PSMG2: variants seen among roughly 807,000 people sequenced by gnomAD.
The protein encoded by PSMG2 is proteasome assembly chaperone 2.
A neutral mutation model predicts 31.5 loss-of-function variants in PSMG2; 21 were observed. The ratio of observed to expected loss-of-function variants is 0.67; its 90% CI spans 0.47 to 0.96. The LOEUF is 0.96. Ranked by LOEUF, PSMG2 falls within the 40% of genes least tolerant of loss-of-function variation. The pLI is 0.00. For synonymous variants in PSMG2, 120 were observed against 110.4 expected, an observed-to-expected ratio of 1.09 and a Z score of -0.54; for missense variants, 318 against 321.2, an observed-to-expected ratio of 0.99 and a Z score of 0.08.
At position 12,704,449 on chromosome 18, in the gene PSMG2, G is replaced by T. The variant is rs1029861881; in HGVS notation, c.57+1285G>T. On this transcript the variant is annotated intron_variant, in intron 1 of 6. Coordinates refer to ENST00000317615, the MANE Select transcript of PSMG2 (RefSeq NM_020232.5). ...AAAAAAATAAATAAAAATTAGCCAG[G>T]TGTGGTTTCCTGCACCTGTATCTCA... is the stretch of plus-strand genomic sequence containing the variant. 2.0e-5 allele frequency among the ~76,000 whole-genome samples: 3 copies of T among 151,994 alleles called. No homozygotes were observed. In the East Asian group the frequency reaches 5.8e-4, roughly 29 times the overall value.
At chr18:12,704,166 A>G (rs2040235483) in intron 1 of PSMG2, among the ~76,000 whole-genome samples, 1 of 152,240 alleles carries the variant, frequency 6.6e-6, no homozygotes. Flanking sequence ...ATTTAGCGAC[A>G]TGTTAATGAT....
At chr18:12,663,161 A>G (rs901528845) in intron 1 of PSMG2, among the ~76,000 whole-genome samples, 10 of 152,220 alleles carry the variant, frequency 6.6e-5, no homozygotes, top group Admixed American at 3.9e-4. Context: ...CTATAACACA[A>G]ACTTTCCAAA....
At chr18:12,705,570 A>AGTGTGTGTGTGT (rs1361528977) in intron 1 of PSMG2, among the ~76,000 whole-genome samples, 1,496 of 126,032 alleles carry the variant, frequency 0.012, 10 homozygotes, top group African/African-American at 0.017. Flanking sequence ...AGAGAGAGAG[A>AGTGTGTGTGTGT]GAGAGAGTGT....
chr18:12,695,228 A>G, intron 1 of PSMG2: 1 of 1,074,894 alleles, frequency 9.3e-7, no homozygotes, highest in Non-Finnish European at 1.3e-6. Flanking sequence ...AAACACACAA[A>G]AAAAGAGAAA....
intron 1 of PSMG2, chr18:12,674,823 GTTGA>G (rs2039064924): frequency 2.1e-6 from 2 of 963,154 alleles, no homozygotes; most frequent in Non-Finnish European, 1.5e-6. Flanking sequence ...AAATAAAAAT[GTTGA>G]TTATTTTAAT....
intron 4 of PSMG2, among the ~76,000 whole-genome samples, chr18:12,719,201 C>T (rs1057150377): frequency 7.2e-5 from 11 of 151,774 alleles, no homozygotes; most frequent in East Asian, 2.0e-4. Context: ...GTGAGCCCCC[C>T]GCACCTGGCC....
intron 5 of PSMG2, among the ~76,000 whole-genome samples, chr18:12,721,920 CGT>C (rs1288483738): frequency 6.6e-6 from 1 of 152,032 alleles, no homozygotes; most frequent in Admixed American, 6.6e-5. Context: ...TTTGACATGT[CGT>C]GTTTTCATTT....
In PSMG2 at chr18:12,709,517, A is replaced by G. The variant is rs562256596; in HGVS notation, c.229+2796A>G. ...ATTCTTGTATTTTTTTTTTTTTTTG[A>G]CAGAGAGTTTTGCTCTTGTTGCCCA... On this transcript the variant is annotated intron_variant, in intron 2 of 6. Transcript: ENST00000317615. Among the ~76,000 whole-genome samples, 433 of 141,190 alleles carry G rather than the reference A, an allele frequency of 3.1e-3. 1 individual carries two copies. Among genetic ancestry groups the G allele is most frequent in the Non-Finnish European group, 4.5e-3 (290 of 64,736 alleles). 92.6% of individuals were successfully genotyped at this position (141,190 alleles called of 152,430 possible).
chr18:12,683,148 C>T (rs993822532), intron 1 of PSMG2, among the ~76,000 whole-genome samples: 1 of 140,354 alleles, frequency 7.1e-6, no homozygotes, highest in Non-Finnish European at 1.5e-5. Context: ...GAGTTTGAGA[C>T]CACCCTGGCC....
intron 2 of PSMG2, among the ~76,000 whole-genome samples, chr18:12,708,347 A>G (rs1280570720): frequency 3.3e-5 from 5 of 151,978 alleles, no homozygotes; most frequent in Admixed American, 1.3e-4. Flanking sequence ...GAGTATTACT[A>G]TGAGCTAAAT....
intron 1 of PSMG2, chr18:12,697,428 G>A (rs761424962): frequency 1.2e-5 from 19 of 1,538,386 alleles, no homozygotes; most frequent in South Asian, 4.7e-5. Context: ...TAATCCAAAC[G>A]AAATTATACC....
At chr18:12,709,134 C>G (rs923599904) in intron 2 of PSMG2, among the ~76,000 whole-genome samples, 4 of 152,062 alleles carry the variant, frequency 2.6e-5, no homozygotes, top group African/African-American at 9.7e-5. Context: ...CAACCTCTGC[C>G]TCCCGGGTTC....
chr18:12,722,813 A>T (rs1568046207), intron 5 of PSMG2, among the ~76,000 whole-genome samples: 2 of 152,248 alleles, frequency 1.3e-5, no homozygotes, highest in African/African-American at 4.8e-5. Context: ...GTGACAAACT[A>T]ATAAGAGGCG....
chr18:12,664,237 C>T (rs35815040), intron 1 of PSMG2, among the ~76,000 whole-genome samples: 11,300 of 152,100 alleles, frequency 0.074, 594 homozygotes, highest in Non-Finnish European at 0.11. Flanking sequence ...CACCACACCC[C>T]GCTAATTTTT....
At position 12,687,969 on chromosome 18, in the gene PSMG2, C is replaced by T. The variant is rs191479926; in HGVS notation, c.-36-18581C>T. Among the ~76,000 whole-genome samples the T allele has an allele frequency of 4.8e-3, 722 of 151,982 alleles. 4 individuals are homozygous for T. Among genetic ancestry groups the T allele is most frequent in the Non-Finnish European group, 8.2e-3 (556 of 67,968 alleles). Reference sequence around the variant, plus strand: ...TAAAACCTAATGGCCTTAGGCTGGGCACGGTGGCTCACGCCTGTAATCCCA... The same window carrying T: ...TAAAACCTAATGGCCTTAGGCTGGGTACGGTGGCTCACGCCTGTAATCCCA... On this transcript the variant is annotated intron_variant, in intron 1 of 6. Transcript: ENST00000585331.
chr18:12,720,816 CA>C, intron 5 of PSMG2, 133 bp downstream of exon 5: 47 of 854,390 alleles, frequency 5.5e-5, no homozygotes, highest in Non-Finnish European at 6.9e-5. Context: ...AAAACAACAA[CA>C]AAAAAAACAA....
rs1163641635 is a variant in PSMG2 at position 12,689,985 on chromosome 18, C to T, written c.-36-16565C>T. Among the ~76,000 whole-genome samples the T allele has an allele frequency of 2.0e-5, 3 of 152,336 alleles. No homozygotes were observed. The East Asian group carries it at 5.8e-4, about 29-fold the overall frequency. On this transcript the variant is annotated intron_variant, in intron 1 of 6. Coordinates refer to the PSMG2 transcript ENST00000585331. ...TGTATTTTTAGTAGAGACAAGGTTT[C>T]GCCATGTTGGCCAGGCTGGTCTCAA...
At chr18:12,695,352 C>A in intron 1 of PSMG2, 1 of 1,410,360 alleles carries the variant, frequency 7.1e-7, no homozygotes, top group South Asian at 1.2e-5. Flanking sequence ...GATTCTGTGC[C>A]TATAAACATA....
intron 3 of PSMG2, among the ~76,000 whole-genome samples, chr18:12,715,264 C>A (rs1260941444): frequency 1.3e-5 from 2 of 152,170 alleles, no homozygotes; most frequent in Non-Finnish European, 2.9e-5. Flanking sequence ...CCGCCTCAAC[C>A]TCCCAAAGTA....
Sources: allele counts gnomAD v4.1 joint callset (sites outside exome capture counted in the v4.1 genomes callset), GRCh38; gene constraint gnomAD v4.1.1; transcripts MANE v1.5; gene names NCBI Gene and HGNC (gene_info 2026-07-23, HGNC 2026-07-21).